Variants in TMEM132D observed in about 807,000 individuals in gnomAD.
TMEM132D encodes transmembrane protein 132D, also known as mature OL transmembrane protein.
A neutral mutation model predicts 62.3 loss-of-function variants in TMEM132D; 21 were observed. The ratio of observed to expected loss-of-function variants is 0.34; its 90% CI spans 0.24 to 0.49. The LOEUF is 0.49. Among genes scored for constraint, TMEM132D ranks in the 20% least tolerant of loss-of-function variants. TMEM132D has a pLI of 0.99. For missense variants in TMEM132D, 1,346 were observed against 1,402.8 expected (o/e 0.96, Z 0.65); for synonymous variants, 621 against 575.6 (o/e 1.08, Z -1.13).
At chr12:129,836,782 T>C (rs1047499838) in intron 1 of TMEM132D, among the ~76,000 whole-genome samples, 1 of 152,132 alleles carries the variant, frequency 6.6e-6, no homozygotes, top group Non-Finnish European at 1.5e-5. Context: ...TGTTGATATT[T>C]ACACACACAG....
chr12:129,209,725 T>C, intron 4 of TMEM132D, 62 bp from the exon 5 acceptor site: 1 of 1,593,142 alleles, frequency 6.3e-7, no homozygotes, highest in African/African-American at 1.3e-5. Flanking sequence ...TCCCTGGGAG[T>C]ATGCCGCCTG....
rs187317261 is a variant in TMEM132D at position 129,613,957 on chromosome 12, C to T, written c.969-82752G>A. The stretch of plus-strand genomic sequence containing the variant: ...AGAATCCAGGCAACTGTCTCCAGAA[C>T]GCAGGGGACTGACTCCAGAACCCGG... On this transcript the variant is annotated intron_variant, in intron 2 of 8. Transcript: ENST00000422113. 5.7e-3 allele frequency among the ~76,000 whole-genome samples: 871 copies of T among 151,992 alleles called. 7 individuals carry two copies. Among genetic ancestry groups the T allele is most frequent in the Admixed American group, 0.012 (188 of 15,278 alleles).
At chr12:129,511,810 C>A (rs941301752) in intron 3 of TMEM132D, among the ~76,000 whole-genome samples, 2 of 152,148 alleles carry the variant, frequency 1.3e-5, no homozygotes, top group Non-Finnish European at 2.9e-5. Flanking sequence ...ATTGTTTTCA[C>A]TTTTATCACC....
intron 4 of TMEM132D, among the ~76,000 whole-genome samples, chr12:129,226,827 G>A (rs534623722): frequency 6.6e-6 from 1 of 152,184 alleles, no homozygotes; most frequent in South Asian, 2.1e-4. Flanking sequence ...ACTCAGCAAC[G>A]AGGTGAATGT....
chr12:129,499,011 C>T (rs773663957), intron 3 of TMEM132D, among the ~76,000 whole-genome samples: 1 of 152,114 alleles, frequency 6.6e-6, no homozygotes, highest in Non-Finnish European at 1.5e-5. Flanking sequence ...AATAGGGTAA[C>T]GTGCCAGCCT....
At chr12:129,420,993 G>A (rs1274164925) in intron 3 of TMEM132D, among the ~76,000 whole-genome samples, 2 of 137,798 alleles carry the variant, frequency 1.5e-5, no homozygotes, top group Non-Finnish European at 3.0e-5. Context: ...ACAGAGTCTC[G>A]CTCTGTTACC....
chr12:129,467,640 G>C (rs1349204389), intron 3 of TMEM132D, among the ~76,000 whole-genome samples: 2 of 152,188 alleles, frequency 1.3e-5, no homozygotes, highest in Non-Finnish European at 2.9e-5. Flanking sequence ...GAGCAGACAT[G>C]CCAAGGTCAA....
At chr12:129,359,085 T>C (rs964824283) in intron 3 of TMEM132D, among the ~76,000 whole-genome samples, 1 of 152,184 alleles carries the variant, frequency 6.6e-6, no homozygotes, top group Non-Finnish European at 1.5e-5. Context: ...TGGCATATTA[T>C]TCAGTTACAA....
chr12:129,473,939 C>T (rs1275638585), intron 3 of TMEM132D, among the ~76,000 whole-genome samples: 1 of 152,178 alleles, frequency 6.6e-6, no homozygotes, highest in Non-Finnish European at 1.5e-5. Context: ...AAACCACATT[C>T]TTGTATAACC....
At chr12:129,460,001 G>A (rs1165618176) in intron 3 of TMEM132D, among the ~76,000 whole-genome samples, 2 of 152,116 alleles carry the variant, frequency 1.3e-5, no homozygotes, top group African/African-American at 4.8e-5. Context: ...ATCCTTCCTG[G>A]AGTGTGTATA....
intron 1 of TMEM132D, among the ~76,000 whole-genome samples, chr12:129,861,775 G>C (rs1199658747): frequency 1.4e-5 from 2 of 139,492 alleles, no homozygotes; most frequent in South Asian, 2.3e-4. Flanking sequence ...AAAAAAAAAG[G>C]ATTACCAGCC....
At chr12:129,456,893 G>T (rs558890794) in intron 3 of TMEM132D, among the ~76,000 whole-genome samples, 1 of 152,268 alleles carries the variant, frequency 6.6e-6, no homozygotes, top group African/African-American at 2.4e-5. Flanking sequence ...TTTCTCTACT[G>T]CTATAAAGAA....
At chr12:129,239,446 C>T (rs34267398) in intron 4 of TMEM132D, among the ~76,000 whole-genome samples, 34,405 of 152,104 alleles carry the variant, frequency 0.23, 4,045 homozygotes, top group Non-Finnish European at 0.26. Context: ...GTTCTTCTGA[C>T]ACCATTTGTT....
rs144151212 is a variant in TMEM132D, at chr12:129,252,472, G to C, written c.1300-42809C>G. Among the ~76,000 whole-genome samples, 291 of 152,292 alleles carry C rather than the reference G, an allele frequency of 1.9e-3. 2 individuals carry two copies. Among genetic ancestry groups the C allele is most frequent in the Middle Eastern group, 6.8e-3 (2 of 294 alleles). On this transcript the variant is annotated intron_variant, in intron 4 of 8. Coordinates refer to ENST00000422113, the MANE Select transcript of TMEM132D (RefSeq NM_133448.3). ...GATCACTAGCTGGTGGTGAAGCCAG[G>C]AAGATAAGACCCAGAATTGTCTCTC...
intron 3 of TMEM132D, among the ~76,000 whole-genome samples, chr12:129,410,461 G>C (rs1259243095): frequency 1.3e-5 from 2 of 152,204 alleles, no homozygotes; most frequent in African/African-American, 4.8e-5. Context: ...CCGGGTTCAA[G>C]TGATTCTCCT....
chr12:129,418,630 T>G (rs1872202263), intron 3 of TMEM132D, among the ~76,000 whole-genome samples: 1 of 151,920 alleles, frequency 6.6e-6, no homozygotes, highest in Non-Finnish European at 1.5e-5. Flanking sequence ...AAAACCTAGG[T>G]GATGGGTTGA....
At chr12:129,488,750 C>A (rs1243471491) in intron 3 of TMEM132D, among the ~76,000 whole-genome samples, 1 of 151,796 alleles carries the variant, frequency 6.6e-6, no homozygotes, top group Non-Finnish European at 1.5e-5. Flanking sequence ...CTTCAAGATG[C>A]GGCCAGACAG....
At chr12:129,384,533 G>A (rs1404709811) in intron 3 of TMEM132D, among the ~76,000 whole-genome samples, 4 of 150,222 alleles carry the variant, frequency 2.7e-5, no homozygotes, top group African/African-American at 7.4e-5. Flanking sequence ...TTTTGGCTCC[G>A]CAGATTGATG....
chr12:129,357,679 A>G (rs567994876), intron 3 of TMEM132D, among the ~76,000 whole-genome samples: 19 of 151,598 alleles, frequency 1.3e-4, no homozygotes, highest in African/African-American at 4.6e-4. Context: ...GAGAGAAAGA[A>G]AGAGAGAGAG....
Sources: allele counts gnomAD v4.1 joint callset (sites outside exome capture counted in the v4.1 genomes callset), GRCh38; gene constraint gnomAD v4.1.1; transcripts MANE v1.5; gene names NCBI Gene and HGNC (gene_info 2026-07-23, HGNC 2026-07-21).